The following KCTD8 variants were observed in gnomAD, a reference collection of about 807,000 sequenced individuals.
KCTD8 encodes potassium channel tetramerization domain containing 8, also known as BTB/POZ domain-containing protein KCTD8.
Under a neutral mutation model 31.5 loss-of-function variants are expected in KCTD8, and 27 were observed. That is an observed-to-expected ratio of 0.86 (90% CI 0.63 to 1.18). The LOEUF (loss-of-function observed/expected upper bound fraction) is 1.18. KCTD8 is among the 50% of genes most tolerant of loss of function. KCTD8 has a pLI of 0.00. For synonymous variants in KCTD8, 290 were observed against 280.0 expected, an observed-to-expected ratio of 1.04 and a Z score of -0.36; for missense variants, 658 against 647.7, an observed-to-expected ratio of 1.02 and a Z score of -0.17.
At chr4:44,210,682 G>A (rs1315991592) in intron 1 of KCTD8, among the ~76,000 whole-genome samples, 1 of 152,152 alleles carries the variant, frequency 6.6e-6, no homozygotes, top group African/African-American at 2.4e-5. Flanking sequence ...TCAATTTCCT[G>A]TAGTAATATA....
At chr4:44,334,630 A>T (rs1718673583) in intron 1 of KCTD8, among the ~76,000 whole-genome samples, 1 of 152,082 alleles carries the variant, frequency 6.6e-6, no homozygotes, top group African/African-American at 2.4e-5. Flanking sequence ...TAAAACAGAA[A>T]TTTTGGGAGA....
At chr4:44,364,490 G>A (rs567737603) in intron 1 of KCTD8, among the ~76,000 whole-genome samples, 1 of 152,090 alleles carries the variant, frequency 6.6e-6, no homozygotes, top group Non-Finnish European at 1.5e-5. Flanking sequence ...GTGCAAAATT[G>A]TACAGCCCTT....
At chr4:44,356,496 C>T (rs768595925) in intron 1 of KCTD8, among the ~76,000 whole-genome samples, 8 of 152,128 alleles carry the variant, frequency 5.3e-5, no homozygotes, top group Non-Finnish European at 1.0e-4. Context: ...TTTCATGAGC[C>T]GGAGTCTTGC....
chr4:44,274,000 GA>G (rs1466515032), intron 1 of KCTD8, among the ~76,000 whole-genome samples: 1 of 151,676 alleles, frequency 6.6e-6, no homozygotes, highest in Non-Finnish European at 1.5e-5. Flanking sequence ...TTCAATAGCA[GA>G]AAAAAAGTCC....
chr4:44,387,537 A>T (rs1030384670), intron 1 of KCTD8, among the ~76,000 whole-genome samples: 1 of 151,988 alleles, frequency 6.6e-6, no homozygotes, highest in Non-Finnish European at 1.5e-5. Context: ...AGAACAATGA[A>T]ACAGAATAAA....
chr4:44,416,587 T>C (rs1269530085), intron 1 of KCTD8, among the ~76,000 whole-genome samples: 1 of 152,082 alleles, frequency 6.6e-6, no homozygotes, highest in Admixed American at 6.6e-5. Flanking sequence ...GGTGATGAGT[T>C]CTCAGTTCAC....
At chr4:44,273,961 TCTAA>T (rs1166588031) in intron 1 of KCTD8, among the ~76,000 whole-genome samples, 1 of 151,892 alleles carries the variant, frequency 6.6e-6, no homozygotes, top group African/African-American at 2.4e-5. Context: ...TTTTAAAAAA[TCTAA>T]CTGTTGTTTG....
At chr4:44,397,461 T>C (rs939667133) in intron 1 of KCTD8, among the ~76,000 whole-genome samples, 1 of 152,174 alleles carries the variant, frequency 6.6e-6, no homozygotes, top group African/African-American at 2.4e-5. Context: ...TATGAGGGTT[T>C]TGTATATACC....
intron 1 of KCTD8, among the ~76,000 whole-genome samples, chr4:44,230,197 T>C (rs28546547): frequency 0.48 from 72,873 of 152,026 alleles, 17,744 homozygotes; most frequent in African/African-American, 0.56. Flanking sequence ...CCACCAGTAA[T>C]GCACCTAGTA....
intron 1 of KCTD8, among the ~76,000 whole-genome samples, chr4:44,290,445 C>A (rs1003540956): frequency 1.3e-5 from 2 of 152,070 alleles, no homozygotes; most frequent in African/African-American, 4.8e-5. Context: ...TTAAACTCCA[C>A]AATTGAGCAA....
chr4:44,323,949 C>T (rs1421281670), intron 1 of KCTD8, among the ~76,000 whole-genome samples: 3 of 150,682 alleles, frequency 2.0e-5, no homozygotes, highest in Non-Finnish European at 4.4e-5. Flanking sequence ...TGCTAGATGA[C>T]GAGTTAGTGG....
At chr4:44,257,723 G>A (rs1428816849) in intron 1 of KCTD8, among the ~76,000 whole-genome samples, 2 of 151,932 alleles carry the variant, frequency 1.3e-5, no homozygotes, top group Non-Finnish European at 2.9e-5. Flanking sequence ...TCTCTGCTTA[G>A]AGAGTAAAAG....
chr4:44,340,583 A>G (rs1045439720), intron 1 of KCTD8, among the ~76,000 whole-genome samples: 1 of 151,626 alleles, frequency 6.6e-6, no homozygotes, highest in African/African-American at 2.4e-5. Flanking sequence ...TGCTGGGATT[A>G]CAGGCGTGAG....
At chr4:44,345,906 A>T (rs1719024503) in intron 1 of KCTD8, among the ~76,000 whole-genome samples, 1 of 152,108 alleles carries the variant, frequency 6.6e-6, no homozygotes, top group African/African-American at 2.4e-5. Context: ...TAAAAAATTA[A>T]ATAGAAAAGG....
chr4:44,216,249 T>TG (rs1484695039), intron 1 of KCTD8, among the ~76,000 whole-genome samples: 2 of 152,128 alleles, frequency 1.3e-5, no homozygotes, highest in Non-Finnish European at 2.9e-5. Context: ...TAGATATGGG[T>TG]GGGTATGTTC....
At chr4:44,178,424 G>A (rs1713280822) in intron 1 of KCTD8, among the ~76,000 whole-genome samples, 1 of 152,002 alleles carries the variant, frequency 6.6e-6, no homozygotes, top group African/African-American at 2.4e-5. Flanking sequence ...GTGATCCTAA[G>A]CAAGCATGAA....
chr4:44,379,024 CCT>C (rs1719992662), intron 1 of KCTD8, among the ~76,000 whole-genome samples: 1 of 152,188 alleles, frequency 6.6e-6, no homozygotes, highest in South Asian at 2.1e-4. Flanking sequence ...TCTTCTAATC[CCT>C]CTCTCTGACT....
chr4:44,398,206 T>C (rs1720558846), intron 1 of KCTD8, among the ~76,000 whole-genome samples: 1 of 152,214 alleles, frequency 6.6e-6, no homozygotes, highest in Non-Finnish European at 1.5e-5. Context: ...TCTGTTTTCC[T>C]TATTGCCTAA....
intron 1 of KCTD8, among the ~76,000 whole-genome samples, chr4:44,290,343 A>T (rs1717234005): frequency 6.6e-6 from 1 of 152,164 alleles, no homozygotes; most frequent in South Asian, 2.1e-4. Flanking sequence ...ACAAAAACAC[A>T]CAGATAGCCA....
Sources: gnomAD v4.1 joint callset for allele counts (sites outside exome capture counted in the v4.1 genomes callset) on GRCh38, gnomAD v4.1.1 for gene constraint, MANE v1.5 for transcripts, NCBI Gene and HGNC (gene_info 2026-07-23, HGNC 2026-07-21) for gene names.